The following RNF13 variants were observed in gnomAD, a reference collection of about 807,000 sequenced individuals.
RNF13 encodes E3 ubiquitin-protein ligase RNF13.
A neutral mutation model predicts 37.7 loss-of-function variants in RNF13; 19 were observed. The ratio of observed to expected loss-of-function variants is 0.50; its 90% CI spans 0.35 to 0.74. The LOEUF (loss-of-function observed/expected upper bound fraction) is 0.74. Ranked by LOEUF, RNF13 falls within the 30% of genes least tolerant of loss-of-function variation. The pLI, the probability that RNF13 is intolerant of heterozygous loss-of-function variation, is 0.01. For synonymous variants in RNF13, 144 were observed against 157.8 expected, an observed-to-expected ratio of 0.91 and a Z score of 0.65; for missense variants, 375 against 453.0, an observed-to-expected ratio of 0.83 and a Z score of 1.56.
intron 5 of RNF13, among the ~76,000 whole-genome samples, chr3:149,896,265 C>T (rs1174378318): frequency 6.6e-6 from 1 of 152,012 alleles, no homozygotes; most frequent in African/African-American, 2.4e-5. Flanking sequence ...GAGTGCATAA[C>T]CATAATATAT....
chr3:149,876,164 C>A (rs1191472807), intron 4 of RNF13, among the ~76,000 whole-genome samples: 1 of 152,174 alleles, frequency 6.6e-6, no homozygotes, highest in Non-Finnish European at 1.5e-5. Flanking sequence ...TCACCAATTT[C>A]TTTGAGTAGC....
chr3:149,818,607 T>C (rs1451170986), intron 1 of RNF13, among the ~76,000 whole-genome samples: 4 of 151,970 alleles, frequency 2.6e-5, no homozygotes, highest in African/African-American at 9.7e-5. Context: ...ACCCCCTAGA[T>C]TGAGGGTGAG....
intron 6 of RNF13, among the ~76,000 whole-genome samples, chr3:149,902,855 A>G (rs565233208): frequency 2.5e-4 from 38 of 152,218 alleles, no homozygotes; most frequent in South Asian, 1.2e-3. Context: ...AAAAGCAGCT[A>G]ATATTTATTG....
At chr3:149,906,879 C>G (rs10935783) in intron 6 of RNF13, among the ~76,000 whole-genome samples, 50,429 of 151,812 alleles carry the variant, frequency 0.33, 10,088 homozygotes, top group East Asian at 0.63. Context: ...TCTTGAACTC[C>G]TGGACTCAAG....
At chr3:149,895,437 A>G in intron 4 of RNF13, 36 bp from the exon 5 acceptor site, 1 of 1,239,772 alleles carries the variant, frequency 8.1e-7, no homozygotes. Context: ...TGTCTTCCTT[A>G]TAACATAATT....
At chr3:149,923,798 A>G (rs1323245918) in intron 8 of RNF13, among the ~76,000 whole-genome samples, 2 of 152,018 alleles carry the variant, frequency 1.3e-5, no homozygotes, top group South Asian at 2.1e-4. Flanking sequence ...AGTTTAAAAA[A>G]TGGTGATACT....
rs548140370 is a variant in RNF13 at position 149,929,969 on chromosome 3, A to G, written c.700+8742A>G. Among the ~76,000 whole-genome samples the G allele has an allele frequency of 2.6e-5, 4 of 152,308 alleles. No individual in the cohort carries two copies. In the South Asian group the frequency reaches 8.3e-4, roughly 32 times the overall value. ...GAAATGGAGTCTTGCTCTGTTGCCC[A>G]GGCTGGAGTGCAGTGGTGCAATCTC... On this transcript the variant is annotated intron_variant, in intron 8 of 9. Coordinates refer to ENST00000392894, the MANE Select transcript of RNF13 (RefSeq NM_183381.3).
At chr3:149,868,096 G>A (rs1056031299) in intron 3 of RNF13, among the ~76,000 whole-genome samples, 1 of 151,730 alleles carries the variant, frequency 6.6e-6, no homozygotes, top group African/African-American at 2.4e-5. Flanking sequence ...TTGGCTTTTA[G>A]TTGTCTCAGT....
Position 149,846,628 on chromosome 3 carries a change from C to T in RNF13, c.114+488C>T, listed in dbSNP as rs148479686. Among the ~76,000 whole-genome samples the T allele has an allele frequency of 5.1e-3, 783 of 152,254 alleles. 6 individuals are homozygous for T. Among genetic ancestry groups the T allele is most frequent in the Admixed American group, 0.01 (155 of 15,298 alleles). ...GCCCCTTATTCATTTTCTATTGCTT[C>T]ATATCTAATGTAAGATCTCATGAAC... On this transcript the variant is annotated intron_variant, in intron 2 of 9. Coordinates refer to ENST00000392894, the MANE Select transcript of RNF13 (RefSeq NM_183381.3).
intron 8 of RNF13, among the ~76,000 whole-genome samples, chr3:149,947,093 T>C (rs1282883303): frequency 6.6e-6 from 1 of 152,232 alleles, no homozygotes; most frequent in African/African-American, 2.4e-5. Flanking sequence ...TTTTTGCTAT[T>C]GATTTGTAGT....
intron 3 of RNF13, among the ~76,000 whole-genome samples, chr3:149,867,265 C>CT (rs1159571067): frequency 1.0e-4 from 15 of 148,158 alleles, no homozygotes; most frequent in South Asian, 4.3e-4. Flanking sequence ...TTCCTTGTCT[C>CT]TTTTTTTTTT....
chr3:149,852,928 A>G (rs191642191), intron 3 of RNF13, among the ~76,000 whole-genome samples: 2 of 151,896 alleles, frequency 1.3e-5, no homozygotes, highest in Admixed American at 1.3e-4. Context: ...ATATATGTAA[A>G]TGCTTTCATA....
chr3:149,829,776 T>C (rs1407990083), intron 1 of RNF13, among the ~76,000 whole-genome samples: 1 of 152,208 alleles, frequency 6.6e-6, no homozygotes, highest in Non-Finnish European at 1.5e-5. Flanking sequence ...GTATGTGATA[T>C]GGTTTGGCTG....
chr3:149,829,003 C>T (rs191242982), intron 1 of RNF13, among the ~76,000 whole-genome samples: 44 of 152,222 alleles, frequency 2.9e-4, no homozygotes, highest in African/African-American at 8.9e-4. Context: ...TATAGATGAC[C>T]GGATCACATC....
Position 149,961,489 on chromosome 3 carries a change from A to G in RNF13, c.*385A>G. On this transcript the variant is annotated 3_prime_UTR_variant, in exon 10 of 10. Transcript: ENST00000392894. The stretch of plus-strand genomic sequence containing the variant: ...ATGAACTAACCCAGCTTCCACCTCC[A>G]TAAAGTTACCTAGAGTTGTTGAGTT... 2.8e-6 allele frequency: 1 copy of G among 352,838 alleles called. No individual in the cohort carries two copies. The highest frequency in any genetic ancestry group is 2.3e-5 in the South Asian group (1 of 43,712). 21.9% of individuals were successfully genotyped at this position (352,838 alleles called of 1,614,324 possible).
chr3:149,941,889 A>ATATATATTTATT (rs1553771501), intron 8 of RNF13, among the ~76,000 whole-genome samples: 13 of 144,292 alleles, frequency 9.0e-5, no homozygotes, highest in Admixed American at 2.1e-4. Context: ...GTCCAGCTTA[A>ATATATATTTATT]TATTTATTTA....
At chr3:149,921,932 C>A (rs1718166048) in intron 8 of RNF13, among the ~76,000 whole-genome samples, 1 of 152,124 alleles carries the variant, frequency 6.6e-6, no homozygotes, top group African/African-American at 2.4e-5. Flanking sequence ...TAAAAGTGTT[C>A]CTATTTCTCC....
rs569674278 is a variant in RNF13 at position 149,871,042 on chromosome 3, T to C, written c.196-987T>C. ...GTTTTAGTCTGTTACCAGATTTTTT[T>C]TTTTTTTTTTTTTTTCCGAGACGGA... is the stretch of plus-strand genomic sequence containing the variant. On this transcript the variant is annotated intron_variant, in intron 3 of 9. Transcript: ENST00000392894. Among the ~76,000 whole-genome samples the C allele has an allele frequency of 1.5e-3, 225 of 149,626 alleles. 1 individual carries two copies. The highest frequency in any genetic ancestry group is 5.2e-3 in the African/African-American group (211 of 40,858).
intron 1 of RNF13, among the ~76,000 whole-genome samples, chr3:149,823,925 A>G (rs1477142774): frequency 1.3e-5 from 2 of 152,206 alleles, no homozygotes; most frequent in Non-Finnish European, 2.9e-5. Flanking sequence ...CTGATGCTGT[A>G]TATTCCTATA....
Sources: gnomAD v4.1 joint callset for allele counts (sites outside exome capture counted in the v4.1 genomes callset) on GRCh38, gnomAD v4.1.1 for gene constraint, MANE v1.5 for transcripts, NCBI Gene and HGNC (gene_info 2026-07-23, HGNC 2026-07-21) for gene names.